The following IGSF10 variants were observed in gnomAD, a reference collection of about 807,000 sequenced individuals.
IGSF10 encodes the protein calvaria mechanical force protein 608.
In IGSF10, 126 loss-of-function variants were observed where a neutral mutation model predicts 128.2. The observed-to-expected ratio is 0.98, with a 90% CI of 0.85 to 1.14. IGSF10 has a LOEUF of 1.14. Among genes scored for constraint, IGSF10 ranks in the 50% most tolerant of loss-of-function variants. The pLI is 0.00. For synonymous variants in IGSF10, 1,185 were observed against 1,146.2 expected (o/e 1.03, Z -0.68); for missense variants, 3,295 against 3,149.8 (o/e 1.05, Z -1.10).
chr3:151,551,158 A>G, the IGSF10 span, among the ~76,000 whole-genome samples: 1 of 152,174 alleles, frequency 6.6e-6, no homozygotes, highest in South Asian at 2.1e-4. Flanking sequence ...GCTTGCAGAG[A>G]AATTTGCTGT....
the IGSF10 span, among the ~76,000 whole-genome samples, chr3:151,558,074 G>C: frequency 9.6e-3 from 605 of 63,250 alleles, 5 homozygotes; most frequent in African/African-American, 0.03. Context: ...AAGAGCTTTG[G>C]AGAATTCTAG....
chr3:151,588,840 A>G, the IGSF10 span, among the ~76,000 whole-genome samples: 1 of 152,238 alleles, frequency 6.6e-6, no homozygotes, highest in Non-Finnish European at 1.5e-5. Context: ...GCAACAAAGT[A>G]GAGTAAGAGA....
the IGSF10 span, among the ~76,000 whole-genome samples, chr3:151,518,548 G>T: frequency 4.6e-5 from 7 of 151,982 alleles, no homozygotes; most frequent in Admixed American, 4.6e-4. Flanking sequence ...CAGAACAATT[G>T]CTTTAATGCA....
In IGSF10 at chr3:151,438,054, G is replaced by C. The variant is rs1262312664; in HGVS notation, c.6507C>G (p.Pro2169=). 2 of 1,614,042 alleles carry C rather than the reference G, an allele frequency of 1.2e-6. No homozygotes were observed. Among genetic ancestry groups the C allele is most frequent in the South Asian group, 2.2e-5 (2 of 91,086 alleles). Residue 2169 remains proline, a synonymous_variant, in exon 8 of 8, where the codon CCC becomes CCG. Transcript: ENST00000282466. ...GCAGCAACCAAAATATTTTTGGTTTGGGATCCCCAGTGACCTCACAGTCAA... is the reference window on the plus strand; with the variant it reads ...GCAGCAACCAAAATATTTTTGGTTTCGGATCCCCAGTGACCTCACAGTCAA... ...AVLDCEVTGD[P]KPKIFWLLPS...
the IGSF10 span, among the ~76,000 whole-genome samples, chr3:151,563,138 G>A: frequency 6.6e-6 from 1 of 151,992 alleles, no homozygotes; most frequent in Non-Finnish European, 1.5e-5. Context: ...TCATTCATAG[G>A]GTATGCTTGA....
chr3:151,559,853 G>C, the IGSF10 span, among the ~76,000 whole-genome samples: 1 of 152,228 alleles, frequency 6.6e-6, no homozygotes, highest in African/African-American at 2.4e-5. Context: ...GGGTTCTTAG[G>C]GGGTGGAGCA....
At chr3:151,480,190 A>C in the IGSF10 span, among the ~76,000 whole-genome samples, 4 of 152,172 alleles carry the variant, frequency 2.6e-5, no homozygotes, top group Non-Finnish European at 4.4e-5. Context: ...TATTTTGACC[A>C]AAATAAAGAA....
chr3:151,548,061 C>A, the IGSF10 span, among the ~76,000 whole-genome samples: 5 of 152,172 alleles, frequency 3.3e-5, no homozygotes, highest in Non-Finnish European at 7.3e-5. Flanking sequence ...CCCTTTGAAT[C>A]TGCATGGCCA....
At chr3:151,452,863 A>G (rs1721574062) in intron 5 of IGSF10, among the ~76,000 whole-genome samples, 1 of 152,058 alleles carries the variant, frequency 6.6e-6, no homozygotes, top group Non-Finnish European at 1.5e-5. Context: ...ACGGCTGAGC[A>G]GTTTGCTGGC....
chr3:151,539,799 T>C, the IGSF10 span, among the ~76,000 whole-genome samples: 2 of 151,960 alleles, frequency 1.3e-5, no homozygotes, highest in Non-Finnish European at 2.9e-5. Context: ...TATCTATCTA[T>C]CTATCTATCT....
Position 151,438,277 on chromosome 3 carries a change from C to T in IGSF10, c.6284G>A (p.Arg2095Lys), listed in dbSNP as rs908711998. Residue 2095 changes from arginine to lysine, a missense_variant, in exon 8 of 8, where the codon AGA becomes AAA. Coordinates refer to ENST00000282466, the MANE Select transcript of IGSF10 (RefSeq NM_178822.5). ...QADDSGHRTR[R>K]YTLFNNGTLY... is the part of the protein sequence containing the mutation. ...AGTTCCATTGTTGAAAAGGGTATATCTCCTAGTCCTGTGGCCACTGTCATC... is the reference window on the plus strand; with the variant it reads ...AGTTCCATTGTTGAAAAGGGTATATTTCCTAGTCCTGTGGCCACTGTCATC... The T allele has an allele frequency of 6.2e-7, 1 of 1,614,198 alleles. No individual in the cohort carries two copies. The highest frequency in any genetic ancestry group is 8.5e-7 in the Non-Finnish European group (1 of 1,180,026).
intron 7 of IGSF10, among the ~76,000 whole-genome samples, chr3:151,441,935 C>T (rs1488852149): frequency 8.5e-5 from 13 of 152,258 alleles, no homozygotes; most frequent in Admixed American, 8.5e-4. Context: ...GTGGCGGGTG[C>T]CTGTGGTCCC....
At chr3:151,500,343 A>T in the IGSF10 span, among the ~76,000 whole-genome samples, 1 of 152,170 alleles carries the variant, frequency 6.6e-6, no homozygotes, top group Non-Finnish European at 1.5e-5. Flanking sequence ...TATTTGAGGA[A>T]TTGACCAGTA....
At chr3:151,567,185 G>A in the IGSF10 span, among the ~76,000 whole-genome samples, 2,457 of 152,312 alleles carry the variant, frequency 0.016, 22 homozygotes, top group South Asian at 0.025. Context: ...TTGAGACAAA[G>A]AGAGAGAAAC....
the IGSF10 span, among the ~76,000 whole-genome samples, chr3:151,467,429 G>A: frequency 1.1e-4 from 16 of 152,128 alleles, no homozygotes; most frequent in Non-Finnish European, 4.4e-5. Context: ...ATCCTAATAG[G>A]AGCTTACAAG....
At chr3:151,603,617 A>G in the IGSF10 span, among the ~76,000 whole-genome samples, 4 of 152,226 alleles carry the variant, frequency 2.6e-5, no homozygotes, top group African/African-American at 9.6e-5. Flanking sequence ...CAGATCTATT[A>G]TAAGAAATTG....
rs150053537 is a variant in IGSF10, at chr3:151,443,148, T to C, written c.5799A>G (p.Thr1933=). 8.1e-4 allele frequency: 1,311 copies of C among 1,614,262 alleles called. 8 individuals are homozygous for C. The highest frequency in any genetic ancestry group is 2.4e-4 in the Non-Finnish European group (283 of 1,180,052). The change falls in exon 7 of 8, where the codon ACA becomes ACG. Residue 1933 remains threonine, a synonymous_variant. Coordinates refer to ENST00000282466, the MANE Select transcript of IGSF10 (RefSeq NM_178822.5). ...TGSERRVVML[T]MEERVTSPRI... ...TGGGGCTGGTCACTCGCTCTTCCAT[T>C]GTAAGCATTACTACTCTTCGCTCCG...
rs1720996712 is a variant in IGSF10 at position 151,443,628 on chromosome 3, T to G, written c.5319A>C (p.Pro1773=). ...CAAGAATCCAGGTAACTGTAGGGCT[T>G]GGCCTACCTTCTGCTCTGCACTTCA... ...VELKCRAEGR[P]SPTVTWILAN... is the part of the protein sequence containing the mutation. Residue 1773 remains proline (P), a synonymous_variant, in exon 7 of 8, where the codon CCA becomes CCC. Transcript: ENST00000282466. 4.3e-6 allele frequency: 7 copies of G among 1,614,230 alleles called. No individual in the cohort carries two copies. The East Asian group carries it at 1.6e-4, about 36-fold the overall frequency.
chr3:151,590,255 G>C, the IGSF10 span, among the ~76,000 whole-genome samples: 1,300 of 152,150 alleles, frequency 8.5e-3, 17 homozygotes, highest in African/African-American at 0.03. Context: ...TGCCCAGGCT[G>C]TTCTTAAACT....
Sources: gnomAD v4.1 joint callset for allele counts (sites outside exome capture counted in the v4.1 genomes callset) on GRCh38, gnomAD v4.1.1 for gene constraint, MANE v1.5 for transcripts, NCBI Gene and HGNC (gene_info 2026-07-23, HGNC 2026-07-21) for gene names.